USP6NL: variants seen among roughly 807,000 people sequenced by gnomAD.
The protein encoded by USP6NL is USP6 N-terminal like.
A neutral mutation model predicts 61.9 loss-of-function variants in USP6NL; 26 were observed. The observed-to-expected ratio is 0.42, with a 90% CI of 0.31 to 0.58. The LOEUF (loss-of-function observed/expected upper bound fraction) is 0.58. Among genes scored for constraint, USP6NL ranks in the 20% least tolerant of loss-of-function variants. The pLI is 0.16. For missense variants in USP6NL, 1,114 were observed against 1,034.3 expected, an observed-to-expected ratio of 1.08 and a Z score of -1.06; for synonymous variants, 432 against 390.1, an observed-to-expected ratio of 1.11 and a Z score of -1.27.
intron 6 of USP6NL, among the ~76,000 whole-genome samples, chr10:11,506,793 G>A (rs1391573831): frequency 6.6e-6 from 1 of 151,284 alleles, no homozygotes; most frequent in South Asian, 2.1e-4. Flanking sequence ...CCCTACCAGG[G>A]CTATATTTTT....
chr10:11,546,246 GAAAGGTA>G (rs1159449257), intron 2 of USP6NL, among the ~76,000 whole-genome samples: 1 of 152,176 alleles, frequency 6.6e-6, no homozygotes, highest in Admixed American at 6.5e-5. Flanking sequence ...AGCAGTGAGA[GAAAGGTA>G]AACTATAAAC....
chr10:11,547,786 C>T (rs1288486796), intron 2 of USP6NL, among the ~76,000 whole-genome samples: 2 of 152,120 alleles, frequency 1.3e-5, no homozygotes, highest in African/African-American at 2.4e-5. Context: ...GTGATCCGCC[C>T]GCCTTGGCCT....
At position 11,491,480 on chromosome 10, in the gene USP6NL, G is replaced by A. The variant is rs1325229209; in HGVS notation, c.495-600C>T. On this transcript the variant is annotated intron_variant, in intron 8 of 14. Transcript: ENST00000609104. This position sits in a 1 kb window ranked among gnomAD's most constrained non-coding sequence, Gnocchi z 4.7. Reference sequence around the variant, plus strand: ...AGATCTTAGTTCCAAAAGGAGGAATGCTTCCACCATGAGACATAACAGTGA... The same window carrying A: ...AGATCTTAGTTCCAAAAGGAGGAATACTTCCACCATGAGACATAACAGTGA... Among the ~76,000 whole-genome samples the A allele has an allele frequency of 6.6e-6, 1 of 152,206 alleles. No individual in the cohort carries two copies. Among genetic ancestry groups the A allele is most frequent in the Admixed American group, 6.5e-5 (1 of 15,286 alleles).
intron 1 of USP6NL, among the ~76,000 whole-genome samples, chr10:11,606,280 AATAAAG>A (rs1458631673): frequency 6.6e-6 from 1 of 152,246 alleles, no homozygotes; most frequent in African/African-American, 2.4e-5. Flanking sequence ...ATGTAGATGA[AATAAAG>A]ATACTCTTAA....
chr10:11,477,754 T>C (rs1414865316), intron 14 of USP6NL, among the ~76,000 whole-genome samples: 1 of 152,136 alleles, frequency 6.6e-6, no homozygotes, highest in Non-Finnish European at 1.5e-5. Context: ...CCAAGTAAAG[T>C]TTATCCAAGA....
At chr10:11,580,210 A>C (rs565770627) in intron 2 of USP6NL, among the ~76,000 whole-genome samples, 40 of 152,314 alleles carry the variant, frequency 2.6e-4, no homozygotes, top group African/African-American at 7.2e-4. Context: ...TTATAGCTTT[A>C]GACTCATTAG....
rs910641683 is a variant in USP6NL at position 11,528,649 on chromosome 10, T to C, written c.5-1082A>G. On this transcript the variant is annotated intron_variant, in intron 2 of 14. Transcript: ENST00000609104. The surrounding 1 kb of genome is among the most constrained non-coding windows in gnomAD (Gnocchi z 4.6). Reference sequence around the variant, plus strand: ...CACAGCCCACAATTTTAATTACTATTTTATAAAAATGATGACTAAAGACAT... The same window carrying C: ...CACAGCCCACAATTTTAATTACTATCTTATAAAAATGATGACTAAAGACAT... Among the ~76,000 whole-genome samples, 7 of 152,198 alleles carry C rather than the reference T, an allele frequency of 4.6e-5. No homozygotes were observed. Among genetic ancestry groups the C allele is most frequent in the African/African-American group, 1.7e-4 (7 of 41,434 alleles).
Position 11,507,815 on chromosome 10 carries a change from A to C in USP6NL, c.276+1780T>G, listed in dbSNP as rs545940700. Among the ~76,000 whole-genome samples, 5 of 152,318 alleles carry C rather than the reference A, an allele frequency of 3.3e-5. No individual in the cohort carries two copies. In the South Asian group the frequency reaches 1.0e-3, roughly 32 times the overall value. On this transcript the variant is annotated intron_variant, in intron 6 of 14. Transcript: ENST00000609104. ...TTCTATGCTTTACATCAACTAACTTATTTAATCCTCACAACAAGCCTAATG... is the reference window on the plus strand; with the variant it reads ...TTCTATGCTTTACATCAACTAACTTCTTTAATCCTCACAACAAGCCTAATG...
Position 11,482,260 on chromosome 10 carries a change from G to A in USP6NL, c.926-338C>T, listed in dbSNP as rs1028924841. Among the ~76,000 whole-genome samples, 1 of 152,204 alleles carries A rather than the reference G, an allele frequency of 6.6e-6. No homozygotes were observed. The highest frequency in any genetic ancestry group is 6.5e-5 in the Admixed American group (1 of 15,282). ...CAGACACAGAAAGACTACCTCAGCC[G>A]GCATGAGGCCTTTCTCTTTTATTGA... is the stretch of plus-strand genomic sequence containing the variant. On this transcript the variant is annotated intron_variant, in intron 13 of 14. Coordinates refer to ENST00000609104, the MANE Select transcript of USP6NL (RefSeq NM_014688.5). The surrounding 1 kb of genome is among the most constrained non-coding windows in gnomAD (Gnocchi z 4.0).
intron 3 of USP6NL, among the ~76,000 whole-genome samples, chr10:11,526,615 CTGTA>C (rs1431500443): frequency 5.9e-5 from 9 of 152,326 alleles, no homozygotes; most frequent in African/African-American, 1.7e-4. Flanking sequence ...TGAGCATCAC[CTGTA>C]TGCCTCATGG....
In USP6NL at chr10:11,602,736, G is replaced by A. The variant is rs1265366565; in HGVS notation, c.-83-5019C>T. On this transcript the variant is annotated intron_variant, in intron 1 of 14. Coordinates refer to ENST00000609104, the MANE Select transcript of USP6NL (RefSeq NM_014688.5). This position sits in a 1 kb window ranked among gnomAD's most constrained non-coding sequence, Gnocchi z 4.8. ...TAGGGCACTTTGGATTTCATTTTTG[G>A]GATGCTCAACTGGTATAATGCAAAT... Among the ~76,000 whole-genome samples, 4 of 151,998 alleles carry A rather than the reference G, an allele frequency of 2.6e-5. No homozygotes were observed. Among genetic ancestry groups the A allele is most frequent in the Non-Finnish European group, 5.9e-5 (4 of 68,000 alleles).
chr10:11,588,379 G>A (rs1199116787), intron 2 of USP6NL, among the ~76,000 whole-genome samples: 1 of 152,174 alleles, frequency 6.6e-6, no homozygotes, highest in African/African-American at 2.4e-5. Context: ...TTATGCAAAA[G>A]AATGGCGTTG....
intron 2 of USP6NL, among the ~76,000 whole-genome samples, chr10:11,535,217 G>A (rs1835787050): frequency 6.6e-6 from 1 of 152,170 alleles, no homozygotes; most frequent in Admixed American, 6.5e-5. Flanking sequence ...AAATACTCAA[G>A]CTATGGTGGC....
In USP6NL at chr10:11,465,890, T is replaced by C. The variant is rs1215187342; in HGVS notation, c.1079-2041A>G. On this transcript the variant is annotated intron_variant, in intron 14 of 14. Transcript: ENST00000609104. This position sits in a 1 kb window ranked among gnomAD's most constrained non-coding sequence, Gnocchi z 4.5. ...TGTTAGCAAAAAGTCACCTACTTCA[T>C]TATTTGTGATAATTTGCTTGTATGG... 1.3e-5 allele frequency among the ~76,000 whole-genome samples: 2 copies of C among 152,230 alleles called. No homozygotes were observed. The highest frequency in any genetic ancestry group is 6.5e-5 in the Admixed American group (1 of 15,286).
rs942533514 is a variant in USP6NL, at chr10:11,611,386, C to G, written c.-84+57G>C. 6.6e-6 allele frequency: 1 copy of G among 152,304 alleles called. No individual in the cohort carries two copies. Among genetic ancestry groups the G allele is most frequent in the Non-Finnish European group, 1.5e-5 (1 of 68,160 alleles). The allele number at this position is 152,304 out of a possible 1,614,324, so 9.4% of individuals were successfully genotyped here. On this transcript the variant is annotated intron_variant, in intron 1 of 14. Transcript: ENST00000609104. The surrounding 1 kb of genome is among the most constrained non-coding windows in gnomAD (Gnocchi z 5.3). ...TCCGAGTCCCGGCCCGGGGAGGACG[C>G]CCGCGGAGCCCGCCGCCGCCGGCCC...
chr10:11,537,854 C>T lies in USP6NL; in HGVS notation c.5-10287G>A, dbSNP rs1835893474. Among the ~76,000 whole-genome samples, 1 of 151,888 alleles carries T rather than the reference C, an allele frequency of 6.6e-6. No individual in the cohort carries two copies. Among genetic ancestry groups the T allele is most frequent in the Non-Finnish European group, 1.5e-5 (1 of 68,012 alleles). ...ATGATTTCCCTTCCCGTCAGCTTCC[C>T]AGCTGCCACCTCAGCCTCCCTTCAA... is the stretch of plus-strand genomic sequence containing the variant. On this transcript the variant is annotated intron_variant, in intron 2 of 14. Coordinates refer to ENST00000609104, the MANE Select transcript of USP6NL (RefSeq NM_014688.5). The surrounding 1 kb of genome is among the most constrained non-coding windows in gnomAD (Gnocchi z 5.1).
At chr10:11,590,806 G>C (rs1168449212) in intron 2 of USP6NL, among the ~76,000 whole-genome samples, 1 of 152,024 alleles carries the variant, frequency 6.6e-6, no homozygotes, top group Non-Finnish European at 1.5e-5. Context: ...AGGACGCGGA[G>C]AACACGCACC....
At position 11,532,210 on chromosome 10, in the gene USP6NL, T is replaced by TTAAC; in HGVS notation, c.5-4647_5-4644dup. The stretch of plus-strand genomic sequence containing the variant: ...GAGATAATCAGTCTGGCCTTGGGAA[T>TTAAC]TAACAACAGCTTCAGTCCTCATAGA... On this transcript the variant is annotated intron_variant, in intron 2 of 14. Coordinates refer to ENST00000609104, the MANE Select transcript of USP6NL (RefSeq NM_014688.5). This position sits in a 1 kb window ranked among gnomAD's most constrained non-coding sequence, Gnocchi z 4.1. 6.2e-7 allele frequency: 1 copy of TTAAC among 1,604,914 alleles called. No individual in the cohort carries two copies. The highest frequency in any genetic ancestry group is 8.5e-7 in the Non-Finnish European group (1 of 1,175,140).
chr10:11,542,894 T>C (rs1443686303), intron 2 of USP6NL, among the ~76,000 whole-genome samples: 1 of 152,176 alleles, frequency 6.6e-6, no homozygotes, highest in African/African-American at 2.4e-5. Flanking sequence ...CCCGAGCTTC[T>C]AACATGTCTC....
Sources: gnomAD v4.1 joint callset for allele counts (sites outside exome capture counted in the v4.1 genomes callset) on GRCh38, gnomAD v4.1.1 for gene constraint, Gnocchi (gnomAD v3.1) non-coding constraint, MANE v1.5 for transcripts, NCBI Gene and HGNC (gene_info 2026-07-23, HGNC 2026-07-21) for gene names.